SETBP1: variants seen among roughly 807,000 people sequenced by gnomAD.
SETBP1 encodes SET binding protein 1.
In SETBP1, 9 loss-of-function variants were observed where a neutral mutation model predicts 101.0. That is an observed-to-expected ratio of 0.09 (90% CI 0.05 to 0.16). The LOEUF (loss-of-function observed/expected upper bound fraction) is 0.16, where lower values mean the gene tolerates loss of function less well. Among genes scored for constraint, SETBP1 ranks in the 10% least tolerant of loss-of-function variants. The pLI is 1.00. For missense variants in SETBP1, 1,858 were observed against 2,033.8 expected, an observed-to-expected ratio of 0.91 and a Z score of 1.66; for synonymous variants, 818 against 788.5, an observed-to-expected ratio of 1.04 and a Z score of -0.63.
At chr18:44,848,870 G>A (rs2072786882) in intron 2 of SETBP1, among the ~76,000 whole-genome samples, 1 of 152,204 alleles carries the variant, frequency 6.6e-6, no homozygotes, top group South Asian at 2.1e-4. Context: ...TGCACAGCTG[G>A]CTCTAGTCAT....
At chr18:44,988,287 T>C (rs2072283884) in intron 4 of SETBP1, 1 of 152,220 alleles carries the variant, frequency 6.6e-6, no homozygotes, top group African/African-American at 2.4e-5. Context: ...GTTAATTAGT[T>C]GAATTTCAGG....
chr18:45,048,959 A>G lies in SETBP1; in HGVS notation c.4171+10304A>G, dbSNP rs572399085. On this transcript the variant is annotated intron_variant, in intron 5 of 5. Transcript: ENST00000649279. ...TGCAGTCCGCAGTCCGGCCTGGGCG[A>G]CAGAGCGAGACTCCGTCTCAAAAAA... Among the ~76,000 whole-genome samples the G allele has an allele frequency of 5.8e-3, 715 of 122,926 alleles. 8 individuals carry two copies. The highest frequency in any genetic ancestry group is 4.9e-3 in the Non-Finnish European group (304 of 61,642). 80.6% of individuals were successfully genotyped at this position (122,926 alleles called of 152,430 possible).
chr18:44,940,765 G>T (rs2071069975), intron 3 of SETBP1, among the ~76,000 whole-genome samples: 1 of 152,078 alleles, frequency 6.6e-6, no homozygotes, highest in Admixed American at 6.5e-5. Context: ...ATCTTAACAA[G>T]AATAGAATAT....
In SETBP1 at chr18:44,802,045, G is replaced by T. The variant is rs183418017; in HGVS notation, c.487-67185G>T. The stretch of plus-strand genomic sequence containing the variant: ...CTACAGTAAATTTCTCACCCCACCT[G>T]GCACTTGCCTCCTTTCTTGCTCTCC... On this transcript the variant is annotated intron_variant, in intron 2 of 5. Coordinates refer to ENST00000649279, the MANE Select transcript of SETBP1 (RefSeq NM_015559.3). 3.6e-3 allele frequency among the ~76,000 whole-genome samples: 550 copies of T among 152,214 alleles called. 14 individuals are homozygous for T. The highest frequency in any genetic ancestry group is 0.034 in the Admixed American group (515 of 15,290).
intron 2 of SETBP1, among the ~76,000 whole-genome samples, chr18:44,820,828 AG>A (rs1434944657): frequency 1.3e-5 from 2 of 152,196 alleles, no homozygotes; most frequent in Non-Finnish European, 2.9e-5. Flanking sequence ...TTGAAGATGT[AG>A]TCTCTGAGTT....
intron 3 of SETBP1, among the ~76,000 whole-genome samples, chr18:44,911,675 T>C (rs1334477787): frequency 2.6e-5 from 4 of 152,234 alleles, no homozygotes; most frequent in Non-Finnish European, 5.9e-5. Flanking sequence ...GGTCTAGCCC[T>C]GCCAAACCTC....
intron 4 of SETBP1, among the ~76,000 whole-genome samples, chr18:45,000,906 C>G (rs945355205): frequency 6.6e-6 from 1 of 151,708 alleles, no homozygotes; most frequent in East Asian, 1.9e-4. Context: ...ACGAAGACAG[C>G]CTAAGCAATA....
At chr18:44,840,673 G>A (rs2072597721) in intron 2 of SETBP1, among the ~76,000 whole-genome samples, 1 of 152,160 alleles carries the variant, frequency 6.6e-6, no homozygotes, top group African/African-American at 2.4e-5. Flanking sequence ...TGAAGAAATG[G>A]TCCAACTCTC....
At chr18:44,978,594 T>TA (rs1409544459) in intron 4 of SETBP1, among the ~76,000 whole-genome samples, 26 of 152,228 alleles carry the variant, frequency 1.7e-4, no homozygotes, top group Non-Finnish European at 5.9e-5. Context: ...TTAACAGATT[T>TA]AACAGATGAG....
chr18:44,805,311 C>T (rs1199269676), intron 2 of SETBP1, among the ~76,000 whole-genome samples: 3 of 152,058 alleles, frequency 2.0e-5, no homozygotes, highest in Non-Finnish European at 4.4e-5. Flanking sequence ...ATTTGCTGCT[C>T]AGCCATATGT....
Position 44,957,286 on chromosome 18 carries a change from A to G in SETBP1, c.4000+3946A>G, listed in dbSNP as rs145110436. 3.0e-4 allele frequency among the ~76,000 whole-genome samples: 46 copies of G among 152,250 alleles called. No homozygotes were observed. In the East Asian group the frequency reaches 6.9e-3, roughly 23 times the overall value. On this transcript the variant is annotated intron_variant, in intron 4 of 5. Transcript: ENST00000649279. ...GAGTGATGAGTGACATTTTCTATTCAGACCACTTGGAAACAATCTTTGCAT... is the reference window on the plus strand; with the variant it reads ...GAGTGATGAGTGACATTTTCTATTCGGACCACTTGGAAACAATCTTTGCAT...
intron 2 of SETBP1, among the ~76,000 whole-genome samples, chr18:44,847,007 A>G (rs1216780269): frequency 6.6e-6 from 1 of 152,190 alleles, no homozygotes; most frequent in Non-Finnish European, 1.5e-5. Flanking sequence ...GGTCACGCAA[A>G]GAAACGTAAC....
chr18:44,743,940 T>G (rs984309797), intron 2 of SETBP1, among the ~76,000 whole-genome samples: 19 of 152,218 alleles, frequency 1.2e-4, no homozygotes, highest in Non-Finnish European at 4.4e-5. Context: ...TTAACCTTCA[T>G]GGTGACTGCC....
chr18:44,924,688 C>T (rs770727841), intron 3 of SETBP1, among the ~76,000 whole-genome samples: 8 of 152,098 alleles, frequency 5.3e-5, no homozygotes, highest in Non-Finnish European at 1.2e-4. Flanking sequence ...CAGAAGAAAT[C>T]TAGAAATACA....
At chr18:45,013,406 T>C (rs775442189) in intron 4 of SETBP1, among the ~76,000 whole-genome samples, 5 of 148,766 alleles carry the variant, frequency 3.4e-5, no homozygotes, top group Non-Finnish European at 7.4e-5. Flanking sequence ...ATCTGACTGT[T>C]TCTGACTCTT....
chr18:44,699,296 A>T (rs1274358689), intron 1 of SETBP1, among the ~76,000 whole-genome samples: 1 of 152,214 alleles, frequency 6.6e-6, no homozygotes, highest in East Asian at 1.9e-4. Context: ...TGGGATACAC[A>T]CTGAGAAAGA....
At chr18:44,755,394 A>G (rs1193398482) in intron 2 of SETBP1, among the ~76,000 whole-genome samples, 1 of 152,164 alleles carries the variant, frequency 6.6e-6, no homozygotes, top group Non-Finnish European at 1.5e-5. Context: ...GCATCATCCA[A>G]TTAGCTGGGA....
rs772299236 is a variant in SETBP1, at chr18:44,953,187, G to C, written c.3847G>C (p.Glu1283Gln). The part of the protein sequence containing the change: ...TRSENLDVFS[E>Q]MNPSNDKWDS... ...ATCAGAGAACCTGGACGTGTTCAGT[G>C]AAATGAACCCTTCGAATGACAAGTG... Residue 1283 changes from glutamate to glutamine, a missense_variant, in exon 4 of 6, where the codon GAA becomes CAA. This residue lies in a region of SETBP1 where 417 missense variants were observed against 389.1 expected (regional missense o/e 1.07). Transcript: ENST00000649279. The C allele has an allele frequency of 4.3e-6, 7 of 1,614,016 alleles. No homozygotes were observed. In the South Asian group the frequency reaches 7.7e-5, roughly 18 times the overall value.
chr18:44,745,880 C>G (rs532723646), intron 2 of SETBP1, among the ~76,000 whole-genome samples: 2 of 152,090 alleles, frequency 1.3e-5, no homozygotes, highest in Non-Finnish European at 2.9e-5. Flanking sequence ...TGGTAAGAGG[C>G]GGGGTGAGCA....
Sources: allele counts gnomAD v4.1 joint callset (sites outside exome capture counted in the v4.1 genomes callset), GRCh38; gene constraint gnomAD v4.1.1; regional missense constraint gnomAD v4.1.1; transcripts MANE v1.5; gene names NCBI Gene and HGNC (gene_info 2026-07-23, HGNC 2026-07-21).